The following FAM131B variants were observed in gnomAD, a reference collection of about 807,000 sequenced individuals.
FAM131B encodes protein FAM131B.
In FAM131B, 19 loss-of-function variants were observed where a neutral mutation model predicts 42.0. The ratio of observed to expected loss-of-function variants is 0.45; its 90% CI spans 0.32 to 0.66. FAM131B has a LOEUF of 0.66. FAM131B is among the 30% of genes least tolerant of loss of function. FAM131B has a pLI of 0.05. For missense variants in FAM131B, 370 were observed against 468.4 expected (o/e 0.79, Z 1.94); for synonymous variants, 183 against 177.6 (o/e 1.03, Z -0.24).
intron 5 of FAM131B, 128 bp from the exon 6 acceptor site, chr7:143,357,551 A>C: frequency 1.7e-6 from 1 of 605,660 alleles, no homozygotes. Flanking sequence ...TATCATTTTA[A>C]ATTTTCCAGT....
At chr7:143,380,459 C>T in the FAM131B span, 72 of 985,310 alleles carry the variant, frequency 7.3e-5, no homozygotes, top group South Asian at 2.7e-3. The surrounding 1 kb of genome is among the most constrained non-coding windows in gnomAD (Gnocchi z 5.0). Flanking sequence ...AGGAGTGGGT[C>T]GTGGTGGGCG....
At chr7:143,370,348 C>G in the FAM131B span, among the ~76,000 whole-genome samples, 1 of 152,172 alleles carries the variant, frequency 6.6e-6, no homozygotes, top group Admixed American at 6.5e-5. Flanking sequence ...GCAGCTCACA[C>G]GGGGGGCTCC....
Position 143,359,916 on chromosome 7 carries a change from G to A in FAM131B, c.138+124C>T. On this transcript the variant is annotated intron_variant, in intron 2 of 6. Coordinates refer to ENST00000443739, the MANE Select transcript of FAM131B (RefSeq NM_001031690.3). This position sits in a 1 kb window ranked among gnomAD's most constrained non-coding sequence, Gnocchi z 5.4. ...GCTAACTGGGTTCTCCATGTGGACT[G>A]CTTGGCATGTGTTGTGAGAAATGTT... 1 of 992,546 alleles carries A rather than the reference G, an allele frequency of 1.0e-6. No individual in the cohort carries two copies. The highest frequency in any genetic ancestry group is 1.4e-5 in the South Asian group (1 of 72,272). 61.5% of individuals were successfully genotyped at this position (992,546 alleles called of 1,614,324 possible). A position where few individuals can be genotyped will look rare whatever the true frequency, so the allele number is the denominator to read the frequency against.
the FAM131B span, among the ~76,000 whole-genome samples, chr7:143,371,281 G>A: frequency 6.6e-6 from 1 of 151,966 alleles, no homozygotes; most frequent in Non-Finnish European, 1.5e-5. Context: ...AACCCAGGAT[G>A]GAATGATATA....
At chr7:143,365,217 A>G (rs1310382707), upstream of FAM131B, among the ~76,000 whole-genome samples, 2 of 152,188 alleles carry the variant, frequency 1.3e-5, no homozygotes, top group African/African-American at 4.8e-5. Context: ...AGGGAGGGGG[A>G]TGAGACTGTA....
the FAM131B span, chr7:143,381,347 A>C: frequency 8.7e-7 from 1 of 1,145,436 alleles, no homozygotes; most frequent in Non-Finnish European, 1.1e-6. Context: ...ACCGGGACGC[A>C]GAGTCTGCGG....
intron 6 of FAM131B, 104 bp from the exon 7 acceptor site, chr7:143,357,126 G>T (rs1803702418): frequency 8.9e-7 from 1 of 1,121,010 alleles, no homozygotes; most frequent in Non-Finnish European, 1.3e-6. Flanking sequence ...CAGAGAACTG[G>T]CAGTAAGACA....
chr7:143,379,703 C>T, the FAM131B span: 1 of 152,166 alleles, frequency 6.6e-6, no homozygotes, highest in Admixed American at 6.5e-5. Context: ...ACAGCTATGA[C>T]ATTTCATTTA....
upstream of FAM131B, among the ~76,000 whole-genome samples, chr7:143,364,634 C>G (rs146533131): frequency 2.2e-3 from 331 of 152,224 alleles, 2 homozygotes; most frequent in African/African-American, 7.5e-3. Flanking sequence ...TGCATTCTGT[C>G]TTGAAGGTAT....
chr7:143,363,114 AGGCCCAAGGGCCTTT>A (rs150470083), upstream of FAM131B, among the ~76,000 whole-genome samples: 1,632 of 152,250 alleles, frequency 0.011, 21 homozygotes, highest in Non-Finnish European at 0.019. Flanking sequence ...GAATAAAGCC[AGGCCCAAGGGCCTTT>A]GGCCACCAAA....
At position 143,356,673 on chromosome 7, in the gene FAM131B, G is replaced by A; in HGVS notation, c.960C>T (p.Asp320=). 6.2e-7 allele frequency: 1 copy of A among 1,614,042 alleles called. No individual in the cohort carries two copies. Among genetic ancestry groups the A allele is most frequent in the Non-Finnish European group, 8.5e-7 (1 of 1,179,994 alleles). ...PEEEEDAGCR[D]LESLSPREDP... ...CTTCTCGTGGGGAAAGTGACTCCAG[G>A]TCCCGGCATCCCGCATCCTCTTCCT... Residue 320 remains aspartate (D), a synonymous_variant, in exon 7 of 7, where the codon GAC becomes GAT. Transcript: ENST00000443739. This position sits in a 1 kb window ranked among gnomAD's most constrained non-coding sequence, Gnocchi z 4.4.
the FAM131B span, among the ~76,000 whole-genome samples, chr7:143,377,691 TATATATATAAACAAACATAC>T: frequency 2.0e-5 from 3 of 152,006 alleles, no homozygotes; most frequent in Non-Finnish European, 4.4e-5. Context: ...AAGGGGCGAA[TATATATATAAACAAACATAC>T]ATATATGTTT....
chr7:143,380,059 G>C, the FAM131B span: 15 of 985,078 alleles, frequency 1.5e-5, no homozygotes, highest in Non-Finnish European at 1.7e-5. This position sits in a 1 kb window ranked among gnomAD's most constrained non-coding sequence, Gnocchi z 5.0. Flanking sequence ...GGATTTGGAG[G>C]GACTGGACAC....
At chr7:143,377,711 C>G in the FAM131B span, among the ~76,000 whole-genome samples, 4 of 151,938 alleles carry the variant, frequency 2.6e-5, no homozygotes, top group Non-Finnish European at 5.9e-5. Flanking sequence ...AACAAACATA[C>G]ATATATGTTT....
At chr7:143,375,777 C>A in the FAM131B span, among the ~76,000 whole-genome samples, 1 of 152,190 alleles carries the variant, frequency 6.6e-6, no homozygotes, top group Non-Finnish European at 1.5e-5. Flanking sequence ...CAGTGACAAA[C>A]ACTCCAGCTT....
At chr7:143,364,784 C>T (rs1804141615), upstream of FAM131B, among the ~76,000 whole-genome samples, 1 of 152,226 alleles carries the variant, frequency 6.6e-6, no homozygotes, top group South Asian at 2.1e-4. Flanking sequence ...TTGTCCCAGT[C>T]TCCTTGCCAA....
chr7:143,367,819 G>A, the FAM131B span, among the ~76,000 whole-genome samples: 1 of 152,224 alleles, frequency 6.6e-6, no homozygotes, highest in Non-Finnish European at 1.5e-5. Flanking sequence ...TGCATGGGCA[G>A]GTCAACGTCC....
intron 1 of FAM131B, 30 bp from the exon 2 acceptor site, chr7:143,360,179 C>A: frequency 6.3e-7 from 1 of 1,576,522 alleles, no homozygotes; most frequent in East Asian, 2.4e-5. Flanking sequence ...AGCCGCCGGC[C>A]CTCACCTCCC....
rs374926130 is a variant in FAM131B at position 143,359,711 on chromosome 7, T to A, written c.174+21A>T. 1 of 1,564,258 alleles carries A rather than the reference T, an allele frequency of 6.4e-7. No homozygotes were observed. Among genetic ancestry groups the A allele is most frequent in the Non-Finnish European group, 8.7e-7 (1 of 1,153,498 alleles). On this transcript the variant is annotated intron_variant, in intron 3 of 6. Coordinates refer to ENST00000443739, the MANE Select transcript of FAM131B (RefSeq NM_001031690.3). This position sits in a 1 kb window ranked among gnomAD's most constrained non-coding sequence, Gnocchi z 5.4. ...GGAGGAGTTCGGGAGGATGGGGAGG[T>A]CTGGGGGCAGCTGCACTCACGTTGA...
Sources: gnomAD v4.1 joint callset for allele counts (sites outside exome capture counted in the v4.1 genomes callset) on GRCh38, gnomAD v4.1.1 for gene constraint, Gnocchi (gnomAD v3.1) non-coding constraint, MANE v1.5 for transcripts, NCBI Gene and HGNC (gene_info 2026-07-23, HGNC 2026-07-21) for gene names.